PTPRA: variants seen among roughly 807,000 people sequenced by gnomAD.
PTPRA encodes receptor-type tyrosine-protein phosphatase alpha.
Under a neutral mutation model 104.8 loss-of-function variants are expected in PTPRA, and 25 were observed. The ratio of observed to expected loss-of-function variants is 0.24; its 90% CI spans 0.17 to 0.33. The LOEUF is 0.33. Among genes scored for constraint, PTPRA ranks in the 10% least tolerant of loss-of-function variants. PTPRA has a pLI of 1.00. For missense variants in PTPRA, 765 were observed against 1,015.3 expected, an observed-to-expected ratio of 0.75 and a Z score of 3.35; for synonymous variants, 323 against 368.9, an observed-to-expected ratio of 0.88 and a Z score of 1.43.
chr20:2,977,663 G>T (rs1442443797), intron 6 of PTPRA, among the ~76,000 whole-genome samples: 3 of 151,460 alleles, frequency 2.0e-5, no homozygotes, highest in African/African-American at 7.3e-5. Context: ...AAAGGGCGGG[G>T]ATTATCATAG....
intron 1 of PTPRA, among the ~76,000 whole-genome samples, chr20:2,875,724 C>A (rs980453608): frequency 6.6e-6 from 1 of 152,130 alleles, no homozygotes; most frequent in East Asian, 1.9e-4. Flanking sequence ...GGGCTTATTC[C>A]TACTCTACAG....
intron 1 of PTPRA, among the ~76,000 whole-genome samples, chr20:2,885,988 C>T (rs942056763): frequency 2.0e-5 from 3 of 152,126 alleles, no homozygotes; most frequent in Admixed American, 2.0e-4. Context: ...TGCTTGAACC[C>T]AGGAGGCGGA....
At chr20:2,923,125 A>G (rs1419940850) in intron 1 of PTPRA, 82 bp from the exon 2 acceptor site, 1 of 508,324 alleles carries the variant, frequency 2.0e-6, no homozygotes, top group Non-Finnish European at 2.9e-6. Flanking sequence ...CATGTTGCCT[A>G]GGCTGGGCTT....
intron 6 of PTPRA, among the ~76,000 whole-genome samples, chr20:2,977,878 A>G (rs1055584489): frequency 2.6e-5 from 4 of 152,126 alleles, no homozygotes; most frequent in African/African-American, 9.7e-5. Context: ...ACTCAGTTAC[A>G]TGCCATTGGA....
At chr20:3,028,562 A>G (rs1475977679) in intron 20 of PTPRA, among the ~76,000 whole-genome samples, 1 of 152,106 alleles carries the variant, frequency 6.6e-6, no homozygotes, top group African/African-American at 2.4e-5. Context: ...CTCACCCCCC[A>G]CATTATGGGG....
intron 11 of PTPRA, among the ~76,000 whole-genome samples, chr20:3,012,364 T>G (rs1274131299): frequency 6.6e-6 from 1 of 152,078 alleles, no homozygotes; most frequent in African/African-American, 2.4e-5. Context: ...GAAAACTACG[T>G]GGAGGTAGAA....
At chr20:3,025,724 C>T (rs548198265) in intron 17 of PTPRA, among the ~76,000 whole-genome samples, 1 of 151,080 alleles carries the variant, frequency 6.6e-6, no homozygotes, top group East Asian at 2.0e-4. Context: ...ACAAAATTAG[C>T]CAGGCATGGT....
chr20:2,920,784 G>A (rs2060069246), intron 1 of PTPRA, among the ~76,000 whole-genome samples: 1 of 151,680 alleles, frequency 6.6e-6, no homozygotes, highest in Non-Finnish European at 1.5e-5. Flanking sequence ...AGGAAAGGGG[G>A]GAAAGTGATG....
chr20:2,908,763 AACATG>A, intron 1 of PTPRA, among the ~76,000 whole-genome samples: 1 of 152,254 alleles, frequency 6.6e-6, no homozygotes, highest in East Asian at 1.9e-4. Flanking sequence ...AAAAATGAAA[AACATG>A]ACATTCAAAG....
chr20:3,015,348 G>A (rs1018312982), intron 11 of PTPRA, among the ~76,000 whole-genome samples: 4 of 148,882 alleles, frequency 2.7e-5, no homozygotes, highest in African/African-American at 1.0e-4. Context: ...TGTCACCAAG[G>A]CTGGAGTGCA....
intron 3 of PTPRA, among the ~76,000 whole-genome samples, chr20:2,953,475 G>A (rs373013725): frequency 6.3e-4 from 95 of 151,858 alleles, no homozygotes; most frequent in African/African-American, 2.2e-3. Context: ...GGATGGTCTC[G>A]ATCTCCGGAC....
At chr20:2,997,996 G>T (rs1044954906) in intron 9 of PTPRA, among the ~76,000 whole-genome samples, 4 of 152,204 alleles carry the variant, frequency 2.6e-5, no homozygotes, top group African/African-American at 9.6e-5. Flanking sequence ...AGGCGTGATG[G>T]CACATGCCTG....
At chr20:2,992,685 C>T (rs1355577937) in intron 9 of PTPRA, among the ~76,000 whole-genome samples, 1 of 44,086 alleles carries the variant, frequency 2.3e-5, no homozygotes, top group Non-Finnish European at 3.6e-5. Context: ...CCAAATATTA[C>T]GATTCTTCTG....
At chr20:2,931,159 GT>G (rs2060489229) in intron 2 of PTPRA, among the ~76,000 whole-genome samples, 1 of 152,058 alleles carries the variant, frequency 6.6e-6, no homozygotes, top group Admixed American at 6.6e-5. Context: ...ACCCAGGACT[GT>G]TTTTTAAAAG....
chr20:2,915,175 A>G (rs1215241260), intron 1 of PTPRA, among the ~76,000 whole-genome samples: 12 of 152,164 alleles, frequency 7.9e-5, no homozygotes, highest in African/African-American at 2.6e-4. Context: ...TGTAGCCTCA[A>G]ACTTTCACTG....
In PTPRA at chr20:3,022,839, G is replaced by A; in HGVS notation, c.1464+15G>A. Reference sequence around the variant, plus strand: ...TGCAAACCGATGTGAGTGATCTGTGGGTCAGGTGAGGGTGGGGGGTTCCAG... The same window carrying A: ...TGCAAACCGATGTGAGTGATCTGTGAGTCAGGTGAGGGTGGGGGGTTCCAG... On this transcript the variant is annotated intron_variant, in intron 16 of 23. Coordinates refer to ENST00000399903, the MANE Select transcript of PTPRA (RefSeq NM_001385305.1). The surrounding 1 kb of genome is among the most constrained non-coding windows in gnomAD (Gnocchi z 4.6). The A allele has an allele frequency of 6.2e-7, 1 of 1,614,090 alleles. No homozygotes were observed. The highest frequency in any genetic ancestry group is 8.5e-7 in the Non-Finnish European group (1 of 1,179,996).
At chr20:3,020,037 T>G (rs149171329) in intron 13 of PTPRA, among the ~76,000 whole-genome samples, 10,516 of 151,776 alleles carry the variant, frequency 0.069, 516 homozygotes, top group Admixed American at 0.11. Context: ...CCGTCCAGCT[T>G]CGGCTCGGCA....
At chr20:2,889,009 G>C (rs144921976) in intron 1 of PTPRA, among the ~76,000 whole-genome samples, 20 of 152,332 alleles carry the variant, frequency 1.3e-4, no homozygotes, top group African/African-American at 4.6e-4. Context: ...TACTTGGTAA[G>C]TTTTCAAAGG....
intron 5 of PTPRA, among the ~76,000 whole-genome samples, chr20:2,974,301 G>A (rs895979805): frequency 1.3e-5 from 2 of 152,022 alleles, no homozygotes; most frequent in Non-Finnish European, 2.9e-5. Flanking sequence ...CCCTTCTGGA[G>A]TACAGTGGTG....
Sources: allele counts gnomAD v4.1 joint callset (sites outside exome capture counted in the v4.1 genomes callset), GRCh38; gene constraint gnomAD v4.1.1; non-coding constraint Gnocchi (gnomAD v3.1); transcripts MANE v1.5; gene names NCBI Gene and HGNC (gene_info 2026-07-23, HGNC 2026-07-21).